RGS6: variants seen among roughly 807,000 people sequenced by gnomAD.
RGS6 encodes the protein regulator of G-protein signaling 6.
RGS6 carries 30 observed loss-of-function variants against 78.5 expected under a neutral mutation model. The ratio of observed to expected loss-of-function variants is 0.38; its 90% confidence interval spans 0.29 to 0.52. The LOEUF is 0.52. Among genes scored for constraint, RGS6 ranks in the 20% least tolerant of loss-of-function variants. The pLI, the probability that RGS6 is intolerant of heterozygous loss-of-function variation, is 0.85. For synonymous variants in RGS6, 206 were observed against 206.0 expected (o/e 1.00, Z 0.00); for missense variants, 495 against 609.7 (o/e 0.81, Z 1.98).
intron 2 of RGS6, among the ~76,000 whole-genome samples, chr14:71,982,101 C>A (rs992741285): frequency 6.6e-6 from 1 of 152,200 alleles, no homozygotes; most frequent in Non-Finnish European, 1.5e-5. Context: ...ACTCCCTGAC[C>A]CCTTGCGCTT....
At chr14:72,578,834 A>C in the RGS6 span, among the ~76,000 whole-genome samples, 1 of 152,236 alleles carries the variant, frequency 6.6e-6, no homozygotes, top group Non-Finnish European at 1.5e-5. Context: ...TCAAATGGAC[A>C]CTGATGAAAG....
At chr14:72,107,127 A>G (rs1285078796) in intron 2 of RGS6, among the ~76,000 whole-genome samples, 6 of 152,134 alleles carry the variant, frequency 3.9e-5, no homozygotes, top group African/African-American at 1.4e-4. Flanking sequence ...ACCTTGTGGT[A>G]GATTTCACAC....
At chr14:71,875,228 C>A in the RGS6 span, among the ~76,000 whole-genome samples, 1 of 152,200 alleles carries the variant, frequency 6.6e-6, no homozygotes, top group Non-Finnish European at 1.5e-5. Context: ...GGTACCAGCT[C>A]CTCTTTGTAC....
At chr14:72,313,866 G>T (rs1026541441) in intron 2 of RGS6, among the ~76,000 whole-genome samples, 10 of 152,202 alleles carry the variant, frequency 6.6e-5, no homozygotes, top group African/African-American at 2.4e-4. Flanking sequence ...TTGCTGCCAT[G>T]TATCTAAGCA....
At chr14:72,045,180 G>A (rs2092734090) in intron 2 of RGS6, among the ~76,000 whole-genome samples, 2 of 152,128 alleles carry the variant, frequency 1.3e-5, no homozygotes, top group Admixed American at 1.3e-4. Flanking sequence ...TGTTTCTCAG[G>A]AGAACCCTAA....
At chr14:72,246,788 C>T (rs1194877711) in intron 2 of RGS6, among the ~76,000 whole-genome samples, 1 of 151,994 alleles carries the variant, frequency 6.6e-6, no homozygotes, top group Non-Finnish European at 1.5e-5. Flanking sequence ...CGTCTGTAGT[C>T]CCAGCTACTT....
chr14:72,568,518 C>T (rs1278050024), downstream of RGS6, among the ~76,000 whole-genome samples: 1 of 152,238 alleles, frequency 6.6e-6, no homozygotes, highest in Non-Finnish European at 1.5e-5. Flanking sequence ...CTCTCTCTGC[C>T]TCTGACAAGC....
At chr14:72,293,366 A>C (rs1446579652) in intron 2 of RGS6, among the ~76,000 whole-genome samples, 1 of 152,238 alleles carries the variant, frequency 6.6e-6, no homozygotes, top group Non-Finnish European at 1.5e-5. Flanking sequence ...TTTGCAAAAA[A>C]TGTAGAACAA....
At chr14:71,954,399 A>G (rs1009283478) in intron 1 of RGS6, among the ~76,000 whole-genome samples, 2 of 151,582 alleles carry the variant, frequency 1.3e-5, no homozygotes, top group African/African-American at 4.9e-5. Context: ...TTGGAAATTC[A>G]TGATTGACTT....
intron 2 of RGS6, among the ~76,000 whole-genome samples, chr14:71,979,032 C>T (rs1443751725): frequency 6.6e-6 from 1 of 151,402 alleles, no homozygotes; most frequent in Non-Finnish European, 1.5e-5. Flanking sequence ...TTCTTCTAGA[C>T]TTTCTAGTTT....
At chr14:72,094,556 A>G (rs1188750825) in intron 2 of RGS6, among the ~76,000 whole-genome samples, 1 of 152,128 alleles carries the variant, frequency 6.6e-6, no homozygotes, top group African/African-American at 2.4e-5. Context: ...TCAAGAGTCA[A>G]TTTGTCCTCT....
At chr14:72,329,223 T>C (rs530150658) in intron 2 of RGS6, among the ~76,000 whole-genome samples, 1 of 152,254 alleles carries the variant, frequency 6.6e-6, no homozygotes, top group Non-Finnish European at 1.5e-5. Context: ...AAAATTCTCT[T>C]GTCCATTCTC....
rs562588519 is a variant in RGS6 at position 72,252,132 on chromosome 14, A to G, written c.85-99963A>G. 2.0e-5 allele frequency among the ~76,000 whole-genome samples: 3 copies of G among 152,338 alleles called. No individual in the cohort carries two copies. The East Asian group carries it at 5.8e-4, about 29-fold the overall frequency. On this transcript the variant is annotated intron_variant, in intron 2 of 17. Transcript: ENST00000553525. ...AGGTACAGGAATTCAGACCTGTGGAAGATCCCTGGAGGGTTAAGGAATGCA... is the reference window on the plus strand; with the variant it reads ...AGGTACAGGAATTCAGACCTGTGGAGGATCCCTGGAGGGTTAAGGAATGCA...
chr14:72,554,689 T>C (rs943683485), intron 17 of RGS6, among the ~76,000 whole-genome samples: 3 of 151,510 alleles, frequency 2.0e-5, no homozygotes, highest in Admixed American at 2.0e-4. Context: ...ACCAAGAATT[T>C]CCTGCAAGCT....
chr14:71,976,185 C>T (rs2094114476), intron 2 of RGS6, among the ~76,000 whole-genome samples: 1 of 150,040 alleles, frequency 6.7e-6, no homozygotes, highest in Non-Finnish European at 1.5e-5. Flanking sequence ...TTATCACTTG[C>T]TGGACTGTTT....
At chr14:72,259,632 G>T (rs976348700) in intron 2 of RGS6, among the ~76,000 whole-genome samples, 1 of 152,198 alleles carries the variant, frequency 6.6e-6, no homozygotes, top group Admixed American at 6.5e-5. Context: ...TGAGGGCCGG[G>T]CGCGGTGGCT....
In RGS6 at chr14:72,282,575, G is replaced by A. The variant is rs150030241; in HGVS notation, c.85-69520G>A. The stretch of plus-strand genomic sequence containing the variant: ...CATGAGCCCAATTTCTCTTTAGCTG[G>A]TAGGATGACAGAAAAAGTTTTAACA... On this transcript the variant is annotated intron_variant, in intron 2 of 17. Coordinates refer to ENST00000553525, the MANE Select transcript of RGS6 (RefSeq NM_001204424.2). 1.0e-3 allele frequency among the ~76,000 whole-genome samples: 159 copies of A among 152,228 alleles called. 1 individual carries two copies. Among genetic ancestry groups the A allele is most frequent in the East Asian group, 8.7e-3 (45 of 5,186 alleles).
At chr14:72,512,610 A>G (rs559316083) in intron 14 of RGS6, among the ~76,000 whole-genome samples, 2 of 152,234 alleles carry the variant, frequency 1.3e-5, no homozygotes, top group Non-Finnish European at 2.9e-5. Flanking sequence ...CCCCTGCTCC[A>G]TGACAGGAAA....
the RGS6 span, among the ~76,000 whole-genome samples, chr14:72,592,002 A>AC: frequency 6.6e-6 from 1 of 152,204 alleles, no homozygotes; most frequent in Non-Finnish European, 1.5e-5. Context: ...TAGTCCCAGG[A>AC]GGGGAGAGTC....
Sources: allele counts gnomAD v4.1 joint callset (sites outside exome capture counted in the v4.1 genomes callset), GRCh38; gene constraint gnomAD v4.1.1; transcripts MANE v1.5; gene names NCBI Gene and HGNC (gene_info 2026-07-23, HGNC 2026-07-21).